The following ADAM12 variants were observed in gnomAD, a reference collection of about 807,000 sequenced individuals.
ADAM12 encodes ADAM metallopeptidase domain 12.
Under a neutral mutation model 106.4 loss-of-function variants are expected in ADAM12, and 70 were observed. The ratio of observed to expected loss-of-function variants is 0.66; its 90% CI spans 0.54 to 0.80. ADAM12 has a LOEUF of 0.80. Ranked by LOEUF, ADAM12 falls within the 30% of genes least tolerant of loss-of-function variation. ADAM12 has a pLI of 0.00. For missense variants in ADAM12, 1,010 were observed against 1,171.9 expected (o/e 0.86, Z 2.02); for synonymous variants, 420 against 433.5 (o/e 0.97, Z 0.39).
intron 16 of ADAM12, among the ~76,000 whole-genome samples, chr10:126,047,025 C>T (rs1459713): frequency 0.25 from 38,643 of 151,800 alleles, 5,902 homozygotes; most frequent in East Asian, 0.54. Context: ...GGAAAACAGA[C>T]GGCTCCTTGA....
At chr10:126,254,279 C>T (rs1217704328) in intron 3 of ADAM12, among the ~76,000 whole-genome samples, 2 of 152,198 alleles carry the variant, frequency 1.3e-5, no homozygotes, top group South Asian at 4.1e-4. Flanking sequence ...CCTCAGTTTC[C>T]TTGGCTGGAA....
intron 2 of ADAM12, among the ~76,000 whole-genome samples, chr10:126,315,794 A>G (rs966665258): frequency 6.6e-6 from 1 of 152,296 alleles, no homozygotes; most frequent in East Asian, 1.9e-4. Flanking sequence ...ACTTTTCCAC[A>G]GCAGATCCAG....
intron 4 of ADAM12, among the ~76,000 whole-genome samples, chr10:126,139,984 G>T (rs536395329): frequency 6.6e-6 from 1 of 152,194 alleles, no homozygotes; most frequent in Non-Finnish European, 1.5e-5. Flanking sequence ...ATGCTCTGGG[G>T]CATCAGGGGG....
chr10:126,387,888 CTG>C (rs1564771506), intron 1 of ADAM12, among the ~76,000 whole-genome samples, 168 bp downstream of exon 1: 3 of 68,158 alleles, frequency 4.4e-5, no homozygotes, highest in Admixed American at 1.6e-4. Flanking sequence ...GAATTGGCAC[CTG>C]GGGGGGGGGG....
chr10:126,263,295 T>C (rs543744991), intron 3 of ADAM12, among the ~76,000 whole-genome samples: 11 of 152,252 alleles, frequency 7.2e-5, no homozygotes, highest in African/African-American at 2.2e-4. Flanking sequence ...CAGAAAACCA[T>C]CTGATCCAGT....
At chr10:126,292,590 C>T (rs1046928919) in intron 2 of ADAM12, among the ~76,000 whole-genome samples, 3 of 152,202 alleles carry the variant, frequency 2.0e-5, no homozygotes, top group Non-Finnish European at 4.4e-5. Flanking sequence ...CCTCTTCCTC[C>T]ATCCCATTCA....
chr10:126,388,152 C>G lies in ADAM12; in HGVS notation c.-7G>C, dbSNP rs376092304. ...GCAGCGGGCGCGCTGCCATCGTCGCCGGCCTTCAGTGCAGCAGCTCTCGGG... is the reference window on the plus strand; with the variant it reads ...GCAGCGGGCGCGCTGCCATCGTCGCGGGCCTTCAGTGCAGCAGCTCTCGGG... On this transcript the variant is annotated 5_prime_UTR_variant, in exon 1 of 23. Transcript: ENST00000448723. The surrounding 1 kb of genome is among the most constrained non-coding windows in gnomAD (Gnocchi z 4.4). 1,422 of 1,210,452 alleles carry G rather than the reference C, an allele frequency of 1.2e-3. 23 individuals are homozygous for G. The African/African-American group carries it at 0.02, about 17-fold the overall frequency. The allele number at this position is 1,210,452 out of a possible 1,614,324, so 75.0% of individuals were successfully genotyped here. A position where few individuals can be genotyped will look rare whatever the true frequency, so the allele number is the denominator to read the frequency against.
intron 5 of ADAM12, among the ~76,000 whole-genome samples, chr10:126,120,181 G>A (rs1956059754): frequency 6.6e-6 from 1 of 152,138 alleles, no homozygotes. Context: ...ACCTGTAGGG[G>A]CTAAGGGAAA....
intron 3 of ADAM12, among the ~76,000 whole-genome samples, chr10:126,176,796 T>C (rs1288474690): frequency 2.0e-5 from 3 of 152,200 alleles, no homozygotes; most frequent in Non-Finnish European, 4.4e-5. Context: ...TGTGGTTAAA[T>C]GTCAGGTGAC....
intron 3 of ADAM12, among the ~76,000 whole-genome samples, chr10:126,204,589 G>A (rs947305707): frequency 3.9e-5 from 6 of 152,178 alleles, no homozygotes; most frequent in Admixed American, 6.5e-5. Flanking sequence ...ATCCCTCAAC[G>A]TTTAGTCTAT....
intron 1 of ADAM12, among the ~76,000 whole-genome samples, chr10:126,345,215 TGA>T (rs1407659701): frequency 1.3e-5 from 2 of 152,204 alleles, no homozygotes; most frequent in African/African-American, 4.8e-5. Flanking sequence ...CCTAATTTAT[TGA>T]GAGTTTTTAG....
intron 21 of ADAM12, 74 bp downstream of exon 21, chr10:126,036,072 C>T (rs1384516286): frequency 7.8e-7 from 1 of 1,279,762 alleles, no homozygotes; most frequent in East Asian, 2.8e-5. Flanking sequence ...AGCAACTTAT[C>T]TAAGCTCACA....
rs1266087032 is a variant in ADAM12 at position 126,213,113 on chromosome 10, T to C, written c.261-57808A>G. ...CGTATCCAGCACAGTGTTGAGCAGATAATAAGTGCTCAATAAATACCTGTA... is the reference window on the plus strand; with the variant it reads ...CGTATCCAGCACAGTGTTGAGCAGACAATAAGTGCTCAATAAATACCTGTA... On this transcript the variant is annotated intron_variant, in intron 3 of 22. Coordinates refer to ENST00000448723, the MANE Select transcript of ADAM12 (RefSeq NM_001288973.2). 2.6e-5 allele frequency among the ~76,000 whole-genome samples: 4 copies of C among 151,938 alleles called. No individual in the cohort carries two copies. The East Asian group carries it at 5.8e-4, about 22-fold the overall frequency.
intron 2 of ADAM12, among the ~76,000 whole-genome samples, chr10:126,287,397 A>G (rs556492850): frequency 2.0e-5 from 3 of 152,142 alleles, no homozygotes; most frequent in African/African-American, 7.2e-5. Context: ...CAAACTTAAC[A>G]CAGCTAAAAT....
chr10:126,284,799 G>T (rs1565190539), intron 2 of ADAM12, among the ~76,000 whole-genome samples: 1 of 152,138 alleles, frequency 6.6e-6, no homozygotes, highest in Admixed American at 6.5e-5. Flanking sequence ...TTGGCAGTGT[G>T]GCCATTGTAT....
chr10:126,118,177 T>C lies in ADAM12; in HGVS notation c.464A>G (p.Lys155Arg), dbSNP rs1265028423. 1.9e-6 allele frequency: 3 copies of C among 1,614,074 alleles called. No individual in the cohort carries two copies. In the African/African-American group the frequency reaches 4.0e-5, roughly 22 times the overall value. ...ENESYVLEPM[K>R]SATNRYKLFP... is the part of the protein sequence containing the mutation. Reference sequence around the variant, plus strand: ...GAGTTTGTATCTGTTGGTTGCACTTTTCATTGGTTCTAAGACATAGCTTTC... The same window carrying C: ...GAGTTTGTATCTGTTGGTTGCACTTCTCATTGGTTCTAAGACATAGCTTTC... Residue 155 changes from lysine (K) to arginine (R), a missense_variant, in exon 6 of 23, where the codon AAA becomes AGA. Physicochemically the swap from Lys to Arg is conservative, Grantham distance 26. Coordinates refer to ENST00000448723, the MANE Select transcript of ADAM12 (RefSeq NM_001288973.2).
chr10:126,286,046 A>C (rs372032061), intron 2 of ADAM12, among the ~76,000 whole-genome samples: 2 of 149,232 alleles, frequency 1.3e-5, no homozygotes, highest in East Asian at 3.9e-4. Context: ...TTGGAGGCTG[A>C]TCCAAACTTG....
At chr10:126,124,999 G>A (rs1205367992) in intron 5 of ADAM12, among the ~76,000 whole-genome samples, 2 of 151,698 alleles carry the variant, frequency 1.3e-5, no homozygotes, top group Admixed American at 6.6e-5. Flanking sequence ...CCTGAGTCAG[G>A]CTCCTTTTTT....
rs567380879 is a variant in ADAM12 at position 126,230,187 on chromosome 10, T to C, written c.260+48728A>G. ...AAGCACTCATGGCATTGGGCTCTTATGGCCAAATTACTTATCTGTACCTCA... is the reference window on the plus strand; with the variant it reads ...AAGCACTCATGGCATTGGGCTCTTACGGCCAAATTACTTATCTGTACCTCA... On this transcript the variant is annotated intron_variant, in intron 3 of 22. Transcript: ENST00000448723. Among the ~76,000 whole-genome samples, 6 of 152,310 alleles carry C rather than the reference T, an allele frequency of 3.9e-5. No homozygotes were observed. In the East Asian group the frequency reaches 9.7e-4, roughly 25 times the overall value.
Sources: gnomAD v4.1 joint callset for allele counts (sites outside exome capture counted in the v4.1 genomes callset) on GRCh38, gnomAD v4.1.1 for gene constraint, Gnocchi (gnomAD v3.1) non-coding constraint, MANE v1.5 for transcripts, NCBI Gene and HGNC (gene_info 2026-07-23, HGNC 2026-07-21) for gene names.